Variants in ZDHHC14 observed in about 807,000 individuals in gnomAD.
ZDHHC14 encodes the protein zDHHC palmitoyltransferase 14.
A neutral mutation model predicts 47.7 loss-of-function variants in ZDHHC14; 16 were observed. The observed-to-expected ratio is 0.34, with a 90% confidence interval of 0.23 to 0.51. The LOEUF is 0.51. ZDHHC14 is among the 20% of genes least tolerant of loss of function. The pLI, the probability that ZDHHC14 is intolerant of heterozygous loss-of-function variation, is 0.97. For missense variants in ZDHHC14, 515 were observed against 662.5 expected (o/e 0.78, Z 2.44); for synonymous variants, 293 against 278.9 (o/e 1.05, Z -0.50).
intron 2 of ZDHHC14, among the ~76,000 whole-genome samples, chr6:157,551,084 A>C (rs915221053): frequency 6.6e-6 from 1 of 152,202 alleles, no homozygotes; most frequent in Non-Finnish European, 1.5e-5. Flanking sequence ...TCAAGAATAC[A>C]GTCAAAGCAT....
At chr6:157,411,522 A>T (rs575552001) in intron 1 of ZDHHC14, among the ~76,000 whole-genome samples, 51 of 152,278 alleles carry the variant, frequency 3.3e-4, no homozygotes, top group African/African-American at 1.2e-3. Context: ...TATGCAGCCA[A>T]CCTCCTTTGG....
At chr6:157,585,215 A>G (rs375325686) in intron 2 of ZDHHC14, among the ~76,000 whole-genome samples, 1 of 152,210 alleles carries the variant, frequency 6.6e-6, no homozygotes, top group Admixed American at 6.5e-5. Context: ...CTCAAAAAAT[A>G]AATAAATAAA....
At chr6:157,470,374 C>T (rs1364732343) in intron 1 of ZDHHC14, among the ~76,000 whole-genome samples, 1 of 152,172 alleles carries the variant, frequency 6.6e-6, no homozygotes, top group African/African-American at 2.4e-5. Flanking sequence ...TAGGCGTGAG[C>T]CACCGCTCCT....
At chr6:157,623,046 G>A (rs562300169) in intron 3 of ZDHHC14, among the ~76,000 whole-genome samples, 6 of 152,180 alleles carry the variant, frequency 3.9e-5, no homozygotes, top group African/African-American at 7.2e-5. Flanking sequence ...CAGGATCCCC[G>A]GGCTAGCTAA....
chr6:157,381,925 G>GGGGCGGCC lies in ZDHHC14; in HGVS notation c.-86_-79dup, dbSNP rs1172944171. The GGGGCGGCC allele has an allele frequency of 3.1e-6, 3 of 965,802 alleles. No individual in the cohort carries two copies. The African/African-American group carries it at 5.4e-5, about 17-fold the overall frequency. The allele number at this position is 965,802 out of a possible 1,614,324, so 59.8% of individuals were successfully genotyped here. ...TAGGGGCCGCGGCGCCGCGGCTCGG[G>GGGGCGGCC]GGGCGGCCGGGCGGCCGGCGGCGGT... On this transcript the variant is annotated 5_prime_UTR_variant, in exon 1 of 9. Transcript: ENST00000359775.
intron 2 of ZDHHC14, among the ~76,000 whole-genome samples, chr6:157,549,283 G>T (rs958680721): frequency 2.0e-5 from 3 of 152,224 alleles, no homozygotes; most frequent in Non-Finnish European, 4.4e-5. Context: ...GGCGGGCTTG[G>T]TTCTCAAATC....
chr6:157,647,491 C>A, intron 7 of ZDHHC14, 123 bp downstream of exon 7: 1 of 628,332 alleles, frequency 1.6e-6, no homozygotes, highest in Non-Finnish European at 2.8e-6. Flanking sequence ...CTTTGTGCCG[C>A]GTGGATGTGG....
intron 4 of ZDHHC14, chr6:157,630,889 T>C (rs995516897): frequency 8.2e-6 from 1 of 122,000 alleles, no homozygotes; most frequent in African/African-American, 3.3e-5. Context: ...TACACACACA[T>C]CCTTACCCAC....
chr6:157,507,788 C>G (rs917325531), intron 1 of ZDHHC14, among the ~76,000 whole-genome samples: 2 of 152,192 alleles, frequency 1.3e-5, no homozygotes, highest in Admixed American at 6.5e-5. Context: ...TCTGGATGGG[C>G]ATCCTCCTTG....
At chr6:157,646,772 A>G in intron 6 of ZDHHC14, among the ~76,000 whole-genome samples, 1 of 152,232 alleles carries the variant, frequency 6.6e-6, no homozygotes, top group East Asian at 1.9e-4. Flanking sequence ...AAAGCTTGAG[A>G]AAATAGGTTG....
intron 1 of ZDHHC14, among the ~76,000 whole-genome samples, chr6:157,394,728 A>C (rs149452101): frequency 6.6e-6 from 1 of 152,072 alleles, no homozygotes; most frequent in Non-Finnish European, 1.5e-5. Context: ...CCAAAATAAC[A>C]TCATCGTCGT....
chr6:157,445,787 G>GAGAA (rs1778654738), intron 1 of ZDHHC14, among the ~76,000 whole-genome samples: 2 of 152,176 alleles, frequency 1.3e-5, no homozygotes, highest in Admixed American at 1.3e-4. Flanking sequence ...GAGAGAGAGA[G>GAGAA]AGAAAGAGAG....
chr6:157,621,473 C>A (rs1203116547), intron 3 of ZDHHC14, among the ~76,000 whole-genome samples: 2 of 152,176 alleles, frequency 1.3e-5, no homozygotes, highest in Non-Finnish European at 2.9e-5. Context: ...CTATTTTCCA[C>A]CAGATTCTCA....
rs144801944 is a variant in ZDHHC14 at position 157,653,584 on chromosome 6, A to G, written c.1025A>G (p.Asn342Ser). Residue 342 changes from asparagine to serine, a missense_variant, in exon 8 of 9, where the codon AAT becomes AGT. Coordinates refer to ENST00000359775, the MANE Select transcript of ZDHHC14 (RefSeq NM_024630.3). ...PDTPQPAAPS[N>S]GITMYGATQS... is the part of the protein sequence containing the mutation. ...ACGCCGCAGCCAGCAGCACCCTCCA[A>G]TGGCATCACCATGTACGGGGCCACG... The G allele has an allele frequency of 1.3e-5, 21 of 1,613,828 alleles. No individual in the cohort carries two copies. The African/African-American group carries it at 2.8e-4, about 22-fold the overall frequency.
intron 1 of ZDHHC14, among the ~76,000 whole-genome samples, chr6:157,419,806 G>A (rs182304539): frequency 1.4e-4 from 22 of 152,286 alleles, no homozygotes; most frequent in African/African-American, 5.3e-4. Context: ...AAGTTTTCAG[G>A]GGACGTGATT....
intron 1 of ZDHHC14, among the ~76,000 whole-genome samples, chr6:157,391,122 C>A (rs752917787): frequency 4.6e-5 from 7 of 152,194 alleles, no homozygotes; most frequent in African/African-American, 1.7e-4. Context: ...ATCAGGACTT[C>A]CCCCTTAGCA....
At chr6:157,650,044 G>A (rs941944433) in intron 7 of ZDHHC14, among the ~76,000 whole-genome samples, 2 of 151,088 alleles carry the variant, frequency 1.3e-5, no homozygotes. Flanking sequence ...CACGGGAGAG[G>A]GGCTGGCTCT....
At chr6:157,665,763 C>T (rs901898368) in intron 8 of ZDHHC14, among the ~76,000 whole-genome samples, 3 of 152,272 alleles carry the variant, frequency 2.0e-5, no homozygotes. Context: ...AGTGTATCCT[C>T]TCTCACAAGT....
intron 1 of ZDHHC14, among the ~76,000 whole-genome samples, chr6:157,398,087 C>A (rs540235492): frequency 0.012 from 1,705 of 147,746 alleles, 23 homozygotes; most frequent in Non-Finnish European, 0.016. Context: ...GCTCCCCAGC[C>A]CCCCCCGGCT....
Sources: allele counts gnomAD v4.1 joint callset (sites outside exome capture counted in the v4.1 genomes callset), GRCh38; gene constraint gnomAD v4.1.1; transcripts MANE v1.5; gene names NCBI Gene and HGNC (gene_info 2026-07-23, HGNC 2026-07-21).